Variants in PDE4DIP observed in about 807,000 individuals in gnomAD.
PDE4DIP encodes the protein phosphodiesterase 4D interacting protein.
Under a neutral mutation model 221.4 loss-of-function variants are expected in PDE4DIP, and 59 were observed. The ratio of observed to expected loss-of-function variants is 0.27; its 90% CI spans 0.22 to 0.33. PDE4DIP has a LOEUF of 0.33. Ranked by LOEUF, PDE4DIP falls within the 10% of genes least tolerant of loss-of-function variation. The pLI is 1.00. For synonymous variants in PDE4DIP, 404 were observed against 815.9 expected (o/e 0.50, Z 8.60); for missense variants, 1,036 against 2,154.2 (o/e 0.48, Z 10.28).
intron 5 of PDE4DIP, among the ~76,000 whole-genome samples, chr1:148,940,833 T>A (rs1480592017): frequency 6.6e-6 from 1 of 151,842 alleles, no homozygotes; most frequent in African/African-American, 2.4e-5. Flanking sequence ...TCAATTTACA[T>A]AGTAGTTTAA....
Position 148,938,300 on chromosome 1 carries a change from C to G in PDE4DIP, c.636+436C>G, listed in dbSNP as rs587762861. 71 of 158,372 alleles carry G rather than the reference C, an allele frequency of 4.5e-4. 2 individuals are homozygous for G. In the South Asian group the frequency reaches 0.012, roughly 27 times the overall value. The allele number at this position is 158,372 out of a possible 1,614,324, so 9.8% of individuals were successfully genotyped here. ...AGGGCAGGCCCACCAGCATAATATC[C>G]CTTTTCGTTAACTTAAAATCAACTG... On this transcript the variant is annotated intron_variant, in intron 5 of 43. Transcript: ENST00000369354.
intron 21 of PDE4DIP, 78 bp downstream of exon 24, chr1:148,981,475 G>A (rs1553543126): frequency 7.6e-6 from 12 of 1,577,950 alleles, no homozygotes. Flanking sequence ...AGCCCAGGAT[G>A]GAAAACCTTG....
chr1:148,929,882 G>A (rs2047477027), intron 2 of PDE4DIP: 1 of 152,850 alleles, frequency 6.5e-6, no homozygotes, highest in Admixed American at 6.5e-5. Context: ...GGCATTGATT[G>A]AATAAATTTT....
chr1:148,820,772 T>C (rs1668944722), intron 1 of PDE4DIP, among the ~76,000 whole-genome samples: 1 of 148,210 alleles, frequency 6.7e-6, no homozygotes, highest in African/African-American at 2.5e-5. Flanking sequence ...TGGTGGGAAG[T>C]TTGTTTAAGG....
intron 37 of PDE4DIP, among the ~76,000 whole-genome samples, chr1:149,023,006 A>G (rs1452412597): frequency 2.6e-5 from 4 of 152,418 alleles, no homozygotes; most frequent in Admixed American, 1.3e-4. Flanking sequence ...AGAAAGAGAG[A>G]GAGGAACATC....
At chr1:148,985,787 G>A (rs1225074757) in intron 21 of PDE4DIP, 1 of 152,034 alleles carries the variant, frequency 6.6e-6, no homozygotes, top group Non-Finnish European at 1.5e-5. Flanking sequence ...AAAACTGGAA[G>A]GGTAAAATAG....
chr1:148,919,797 T>G (rs2150141986), intron 1 of PDE4DIP, among the ~76,000 whole-genome samples: 1 of 150,638 alleles, frequency 6.6e-6, no homozygotes, highest in East Asian at 1.9e-4. Flanking sequence ...TGCTAAATTA[T>G]TTTTTAAAAA....
intron 23 of PDE4DIP, among the ~76,000 whole-genome samples, chr1:149,000,034 A>G (rs1320630269): frequency 1.3e-5 from 2 of 151,730 alleles, no homozygotes; most frequent in Non-Finnish European, 2.9e-5. Context: ...TTGGTAAAAT[A>G]CCTATCCCCT....
rs587667287 is a variant in PDE4DIP, at chr1:148,912,028, G to A, written c.142-17169G>A. Among the ~76,000 whole-genome samples, 10 of 146,816 alleles carry A rather than the reference G, an allele frequency of 6.8e-5. 1 individual carries two copies. The highest frequency in any genetic ancestry group is 5.4e-4 in the Admixed American group (8 of 14,812). On this transcript the variant is annotated intron_variant, in intron 1 of 43. Transcript: ENST00000369354. ...TACCCAAAGAGAAGGAGTTACACAA[G>A]GGCACAAACACCAAGAGGCGGGGAT...
At chr1:148,887,615 CAA>C (rs3978554), upstream of PDE4DIP, among the ~76,000 whole-genome samples, 20 of 5,310 alleles carry the variant, frequency 3.8e-3, no homozygotes, top group Admixed American at 0.028. Flanking sequence ...GACTCTGTCT[CAA>C]AAAAAAAAAA....
chr1:148,820,815 C>T (rs1350109403), intron 1 of PDE4DIP, among the ~76,000 whole-genome samples: 12 of 145,116 alleles, frequency 8.3e-5, no homozygotes, highest in African/African-American at 3.1e-4. Flanking sequence ...TTGAGACCCA[C>T]ACGAGGATGA....
intron 2 of PDE4DIP, among the ~76,000 whole-genome samples, chr1:148,864,314 G>A (rs1339084174): frequency 2.9e-5 from 4 of 136,664 alleles, no homozygotes; most frequent in African/African-American, 9.0e-5. Context: ...TCATAGGTGA[G>A]ATTGAGAAAA....
intron 5 of PDE4DIP, among the ~76,000 whole-genome samples, chr1:148,940,646 A>G (rs1293757187): frequency 6.6e-6 from 1 of 151,982 alleles, no homozygotes; most frequent in Non-Finnish European, 1.5e-5. Flanking sequence ...GACCATGCTG[A>G]GGTACACTGT....
At chr1:148,946,980 T>A (rs1365654144) in intron 5 of PDE4DIP, among the ~76,000 whole-genome samples, 6 of 152,264 alleles carry the variant, frequency 3.9e-5, no homozygotes, top group Admixed American at 3.9e-4. Flanking sequence ...TAACCTCTAC[T>A]TTTTCTGTAT....
intron 5 of PDE4DIP, among the ~76,000 whole-genome samples, chr1:148,940,786 A>G (rs2050353975): frequency 1.3e-5 from 2 of 148,800 alleles, no homozygotes; most frequent in Non-Finnish European, 3.0e-5. Flanking sequence ...GTCTTATGGG[A>G]AAAAAAATTG....
At chr1:149,006,134 GA>G (rs148528730) in intron 27 of PDE4DIP, among the ~76,000 whole-genome samples, 18,922 of 131,020 alleles carry the variant, frequency 0.14, 253 homozygotes, top group Middle Eastern at 0.2. Context: ...GTCTGTCTCG[GA>G]AAAAAAAAAA....
At chr1:148,962,311 A>T in intron 8 of PDE4DIP, 23 bp downstream of exon 11, 3 of 1,548,980 alleles carry the variant, frequency 1.9e-6, no homozygotes, top group Non-Finnish European at 2.7e-6. Flanking sequence ...CACGTAGGAC[A>T]GGAGAGACTT....
rs1553635706 is a variant in PDE4DIP, at chr1:149,030,281, A to G, written c.6999+3A>G. On this transcript the variant is annotated splice_donor_region_variant and intron_variant, in intron 43 of 43. Coordinates refer to ENST00000369354, the Ensembl canonical transcript of PDE4DIP. ...AGAAGGCAAGGACTAACTTAGAGGT[A>G]AGGAAACTACTGCACCAGTCAGAGG... The G allele has an allele frequency of 6.6e-7, 1 of 1,523,040 alleles. No individual in the cohort carries two copies. The highest frequency in any genetic ancestry group is 8.9e-7 in the Non-Finnish European group (1 of 1,120,780). The allele number at this position is 1,523,040 out of a possible 1,614,324, so 94.3% of individuals were successfully genotyped here.
intron 21 of PDE4DIP, among the ~76,000 whole-genome samples, chr1:148,987,215 A>G (rs1223948606): frequency 6.6e-6 from 1 of 152,206 alleles, no homozygotes; most frequent in Non-Finnish European, 1.5e-5. Context: ...GACTGCAGAC[A>G]GCAGTTTTCT....
Sources: allele counts gnomAD v4.1 joint callset (sites outside exome capture counted in the v4.1 genomes callset), GRCh38; gene constraint gnomAD v4.1.1; transcripts MANE v1.5; gene names NCBI Gene and HGNC (gene_info 2026-07-23, HGNC 2026-07-21).